DPP10: variants seen among roughly 807,000 people sequenced by gnomAD.
DPP10 encodes inactive dipeptidyl peptidase 10.
A neutral mutation model predicts 120.9 loss-of-function variants in DPP10; 33 were observed. The ratio of observed to expected loss-of-function variants is 0.27; its 90% CI spans 0.21 to 0.37. The LOEUF (loss-of-function observed/expected upper bound fraction) is 0.37. Ranked by LOEUF, DPP10 falls within the 10% of genes least tolerant of loss-of-function variation. DPP10 has a pLI of 1.00. For synonymous variants in DPP10, 337 were observed against 326.1 expected (o/e 1.03, Z -0.36); for missense variants, 816 against 942.8 (o/e 0.87, Z 1.76).
chr2:115,115,952 A>C (rs1449106222), intron 1 of DPP10, among the ~76,000 whole-genome samples: 1 of 152,182 alleles, frequency 6.6e-6, no homozygotes, highest in Non-Finnish European at 1.5e-5. Context: ...AAGTGGTGTG[A>C]GGGATAGATT....
chr2:115,067,240 T>TG (rs1218840441), intron 1 of DPP10, among the ~76,000 whole-genome samples: 184 of 152,140 alleles, frequency 1.2e-3, no homozygotes, highest in African/African-American at 4.3e-3. Flanking sequence ...AATGTCCTTT[T>TG]TTTTGTTTGT....
intron 1 of DPP10, among the ~76,000 whole-genome samples, chr2:114,723,365 C>T (rs942997507): frequency 1.3e-5 from 2 of 152,186 alleles, no homozygotes; most frequent in Admixed American, 1.3e-4. Flanking sequence ...AAGAGACAGG[C>T]TCCAGCAAGG....
At chr2:114,865,161 T>C (rs537315491) in intron 1 of DPP10, among the ~76,000 whole-genome samples, 182 of 152,352 alleles carry the variant, frequency 1.2e-3, no homozygotes, top group Middle Eastern at 3.4e-3. Context: ...TGTATTTTCA[T>C]ATTGAAGACC....
At chr2:115,139,724 T>TAAAAAAAAAAAAAAAAAAAAA (rs55826687) in intron 1 of DPP10, among the ~76,000 whole-genome samples, 4 of 56,634 alleles carry the variant, frequency 7.1e-5, no homozygotes, top group Admixed American at 2.6e-4. Flanking sequence ...GTAAAAATAC[T>TAAAAAAAAAAAAAAAAAAAAA]AAAAAAAAAA....
At chr2:114,787,048 A>G (rs1164197138) in intron 1 of DPP10, among the ~76,000 whole-genome samples, 3 of 152,208 alleles carry the variant, frequency 2.0e-5, no homozygotes. Flanking sequence ...GGAGACAGAC[A>G]AAAAGGAGTG....
At chr2:114,794,634 T>C (rs770338329) in intron 1 of DPP10, among the ~76,000 whole-genome samples, 2 of 152,184 alleles carry the variant, frequency 1.3e-5, no homozygotes, top group Non-Finnish European at 2.9e-5. Context: ...AATAGGATAA[T>C]CTATTTTTCT....
intron 1 of DPP10, among the ~76,000 whole-genome samples, chr2:114,922,595 A>T (rs959977568): frequency 1.3e-5 from 2 of 152,194 alleles, no homozygotes; most frequent in African/African-American, 4.8e-5. Flanking sequence ...TACAGGTGTG[A>T]GCTACAGTGC....
At chr2:114,798,916 G>A (rs10197433) in intron 1 of DPP10, among the ~76,000 whole-genome samples, 76,991 of 151,986 alleles carry the variant, frequency 0.51, 20,565 homozygotes, top group East Asian at 0.77. Context: ...ATCACCTGAG[G>A]TCAGGAGTTT....
intron 1 of DPP10, among the ~76,000 whole-genome samples, chr2:115,111,767 C>G (rs2049233785): frequency 6.6e-6 from 1 of 152,188 alleles, no homozygotes; most frequent in Non-Finnish European, 1.5e-5. Flanking sequence ...GAGCAATCCT[C>G]AAGAGGTAGA....
At chr2:114,452,244 A>G (rs1249364572) in intron 1 of DPP10, among the ~76,000 whole-genome samples, 1 of 152,032 alleles carries the variant, frequency 6.6e-6, no homozygotes, top group East Asian at 1.9e-4. Context: ...GAATACCTGG[A>G]AATTTCAGGT....
chr2:115,408,318 CG>C (rs942879878), intron 3 of DPP10, among the ~76,000 whole-genome samples: 2 of 152,038 alleles, frequency 1.3e-5, no homozygotes, highest in African/African-American at 4.8e-5. Context: ...AGTGCGCAGG[CG>C]GGCATTATTC....
chr2:115,497,715 C>T (rs980482076), intron 3 of DPP10, among the ~76,000 whole-genome samples: 1 of 151,908 alleles, frequency 6.6e-6, no homozygotes, highest in Non-Finnish European at 1.5e-5. Flanking sequence ...TGAGGTTGGA[C>T]TGTTGATTTG....
intron 1 of DPP10, among the ~76,000 whole-genome samples, chr2:114,622,915 G>A (rs1476009685): frequency 6.6e-6 from 1 of 152,076 alleles, no homozygotes; most frequent in Admixed American, 6.6e-5. Flanking sequence ...TGGATTTGAT[G>A]TTCTGCCATA....
chr2:114,846,924 T>C (rs888336558), intron 1 of DPP10, among the ~76,000 whole-genome samples: 3 of 152,160 alleles, frequency 2.0e-5, no homozygotes, highest in Admixed American at 2.0e-4. Context: ...ACACAAAATC[T>C]GATTGTGCAA....
Position 115,746,096 on chromosome 2 carries a change from T to A in DPP10, c.863T>A (p.Val288Glu). 1 of 1,607,550 alleles carries A rather than the reference T, an allele frequency of 6.2e-7. No individual in the cohort carries two copies. Among genetic ancestry groups the A allele is most frequent in the Non-Finnish European group, 8.5e-7 (1 of 1,178,208 alleles). Residue 288 changes from valine to glutamate, a missense_variant, in exon 10 of 26, where the codon GTG becomes GAG. By Grantham distance (121) the Val-to-Glu change is moderately radical. Around this residue, in one of 3 missense-constraint regions of DPP10, gnomAD observed 592 missense variants for 649.0 expected, o/e 0.91. Transcript: ENST00000410059. ...TTCATTTTCTCAAAGGCAGGTCAAGTGAACCCAACAATAAAATTATATGTT... is the reference window on the plus strand; with the variant it reads ...TTCATTTTCTCAAAGGCAGGTCAAGAGAACCCAACAATAAAATTATATGTT... ...KQYPYPKAGQ[V>E]NPTIKLYVVN...
chr2:114,866,362 G>GA (rs143100072), intron 1 of DPP10, among the ~76,000 whole-genome samples: 2,028 of 150,250 alleles, frequency 0.013, 33 homozygotes, highest in African/African-American at 0.046. Context: ...ACATACATGT[G>GA]AAAAAAAAAT....
chr2:114,903,400 G>A (rs1378668615), intron 1 of DPP10, among the ~76,000 whole-genome samples: 5 of 152,188 alleles, frequency 3.3e-5, no homozygotes, highest in Non-Finnish European at 7.4e-5. Context: ...ATTCCCACCA[G>A]TAATGAATAA....
chr2:114,480,337 C>G (rs1185329702), intron 1 of DPP10, among the ~76,000 whole-genome samples: 1 of 151,916 alleles, frequency 6.6e-6, no homozygotes, highest in African/African-American at 2.4e-5. Flanking sequence ...ACCATTTGAC[C>G]CAGCCATCCC....
At chr2:115,218,772 G>T (rs2105399443) in intron 1 of DPP10, among the ~76,000 whole-genome samples, 1 of 152,104 alleles carries the variant, frequency 6.6e-6, no homozygotes, top group African/African-American at 2.4e-5. Flanking sequence ...ATGTTTATGG[G>T]CTCTACTAAT....
Sources: gnomAD v4.1 joint callset for allele counts (sites outside exome capture counted in the v4.1 genomes callset) on GRCh38, gnomAD v4.1.1 for gene constraint, gnomAD v4.1.1 regional missense constraint, MANE v1.5 for transcripts, NCBI Gene and HGNC (gene_info 2026-07-23, HGNC 2026-07-21) for gene names.